The following SYT1 variants were observed in gnomAD, a reference collection of about 807,000 sequenced individuals.
SYT1 encodes synaptotagmin-1.
SYT1 carries 8 observed loss-of-function variants against 44.8 expected under a neutral mutation model. The ratio of observed to expected loss-of-function variants is 0.18; its 90% CI spans 0.10 to 0.32. SYT1 has a LOEUF of 0.32. Ranked by LOEUF, SYT1 falls within the 10% of genes least tolerant of loss-of-function variation. SYT1 has a pLI of 1.00. For missense variants in SYT1, 286 were observed against 509.3 expected, an observed-to-expected ratio of 0.56 and a Z score of 4.22; for synonymous variants, 154 against 188.8, an observed-to-expected ratio of 0.82 and a Z score of 1.51.
At chr12:78,866,886 C>T (rs142752199) in intron 1 of SYT1, among the ~76,000 whole-genome samples, 396 of 152,100 alleles carry the variant, frequency 2.6e-3, no homozygotes, top group African/African-American at 8.9e-3. Flanking sequence ...TCACTACGTA[C>T]GTTTAATATA....
chr12:79,389,047 A>T (rs978807822), intron 9 of SYT1, among the ~76,000 whole-genome samples: 32 of 152,228 alleles, frequency 2.1e-4, no homozygotes, highest in Admixed American at 5.2e-4. Flanking sequence ...CTTAATAAGT[A>T]GATATATTCC....
chr12:78,931,612 A>G (rs146003157), intron 1 of SYT1, among the ~76,000 whole-genome samples: 1 of 152,100 alleles, frequency 6.6e-6, no homozygotes, highest in South Asian at 2.1e-4. Flanking sequence ...CATGATGTAG[A>G]TTTATTTATT....
chr12:79,237,303 G>A (rs1342769113), intron 4 of SYT1, among the ~76,000 whole-genome samples: 1 of 152,180 alleles, frequency 6.6e-6, no homozygotes. Context: ...TAGAAATTGA[G>A]ATTTCTTTGA....
At chr12:79,178,877 T>G (rs901909418) in intron 3 of SYT1, among the ~76,000 whole-genome samples, 4 of 147,872 alleles carry the variant, frequency 2.7e-5, no homozygotes, top group African/African-American at 5.0e-5. Flanking sequence ...GCCTCCTGAG[T>G]AGCTGGGATT....
Position 78,876,461 on chromosome 12 carries a change from GTGTT to G in SYT1, c.-217+11354_-217+11357del, listed in dbSNP as rs1393363622. On this transcript the variant is annotated intron_variant, in intron 1 of 10. Coordinates refer to ENST00000261205, the MANE Select transcript of SYT1 (RefSeq NM_005639.3). ...ATAATAACATGTTTTGAAAATGGAG[GTGTT>G]TTTTTTTTTTTTTTTTTTGCCAAAC... Among the ~76,000 whole-genome samples the G allele has an allele frequency of 9.8e-3, 297 of 30,216 alleles. 6 individuals are homozygous for G. The highest frequency in any genetic ancestry group is 0.021 in the Non-Finnish European group (174 of 8,450). 19.8% of individuals were successfully genotyped at this position (30,216 alleles called of 152,430 possible).
intron 8 of SYT1, among the ~76,000 whole-genome samples, chr12:79,321,540 AG>A (rs1390644818): frequency 2.0e-5 from 3 of 152,206 alleles, no homozygotes. Flanking sequence ...AGTATGTTAA[AG>A]GGAAGGAAAT....
chr12:79,051,249 T>C (rs1296806216), intron 3 of SYT1, among the ~76,000 whole-genome samples: 1 of 151,416 alleles, frequency 6.6e-6, no homozygotes, highest in Non-Finnish European at 1.5e-5. Context: ...AATTGTATTT[T>C]GATATAGTTT....
intron 9 of SYT1, among the ~76,000 whole-genome samples, chr12:79,404,676 C>T (rs1471041502): frequency 6.6e-6 from 1 of 152,190 alleles, no homozygotes; most frequent in Non-Finnish European, 1.5e-5. Context: ...GCGTAGGTTT[C>T]AGCACATAAG....
intron 3 of SYT1, among the ~76,000 whole-genome samples, chr12:79,107,275 T>G (rs1383774585): frequency 6.6e-6 from 1 of 151,982 alleles, no homozygotes; most frequent in Non-Finnish European, 1.5e-5. Context: ...ATTTTGAAAT[T>G]CAAGTAATAA....
At chr12:79,424,882 C>T (rs1869343645) in intron 9 of SYT1, among the ~76,000 whole-genome samples, 1 of 148,016 alleles carries the variant, frequency 6.8e-6, no homozygotes, top group Non-Finnish European at 1.5e-5. Flanking sequence ...CATTGCCCTG[C>T]TCCTTATAGG....
intron 2 of SYT1, among the ~76,000 whole-genome samples, chr12:79,033,992 G>C (rs1437047585): frequency 6.6e-6 from 1 of 151,418 alleles, no homozygotes; most frequent in Non-Finnish European, 1.5e-5. Flanking sequence ...AGAAATAGAT[G>C]TTCTGGAGTT....
intron 3 of SYT1, among the ~76,000 whole-genome samples, chr12:79,139,527 A>G (rs1869423022): frequency 6.6e-6 from 1 of 152,134 alleles, no homozygotes; most frequent in Admixed American, 6.5e-5. Context: ...TTATCTTCCT[A>G]TTGGCCTTGA....
At chr12:79,027,897 T>C (rs1872626795) in intron 2 of SYT1, among the ~76,000 whole-genome samples, 1 of 151,564 alleles carries the variant, frequency 6.6e-6, no homozygotes, top group Admixed American at 6.6e-5. Flanking sequence ...ATTTTCATGG[T>C]CTGATAGCCT....
At chr12:78,908,221 AT>A (rs1876108854) in intron 1 of SYT1, among the ~76,000 whole-genome samples, 1 of 151,896 alleles carries the variant, frequency 6.6e-6, no homozygotes, top group African/African-American at 2.4e-5. Flanking sequence ...CAGTTTCCTC[AT>A]ATCCACAATC....
chr12:79,168,613 C>T (rs1238936759), intron 3 of SYT1, among the ~76,000 whole-genome samples: 1 of 151,968 alleles, frequency 6.6e-6, no homozygotes, highest in Non-Finnish European at 1.5e-5. Flanking sequence ...GAGAAAATAA[C>T]ACAATTTTCT....
chr12:78,975,156 G>A lies in SYT1; in HGVS notation c.-216-2643G>A, dbSNP rs73351405. Among the ~76,000 whole-genome samples, 873 of 116,248 alleles carry A rather than the reference G, an allele frequency of 7.5e-3. 9 individuals carry two copies. Among genetic ancestry groups the A allele is most frequent in the African/African-American group, 0.027 (832 of 30,286 alleles). 76.3% of individuals were successfully genotyped at this position (116,248 alleles called of 152,430 possible). ...TAACTCCTGGTCACTTTTTAATACC[G>A]AAGTGTGATTTCTGCATGGAAGCCA... On this transcript the variant is annotated intron_variant, in intron 1 of 10. Coordinates refer to ENST00000261205, the MANE Select transcript of SYT1 (RefSeq NM_005639.3).
At chr12:79,023,857 T>C (rs748653500) in intron 2 of SYT1, among the ~76,000 whole-genome samples, 32 of 151,748 alleles carry the variant, frequency 2.1e-4, no homozygotes, top group Non-Finnish European at 4.3e-4. Flanking sequence ...TATTCACCTA[T>C]AGGTTAGAGA....
intron 7 of SYT1, among the ~76,000 whole-genome samples, chr12:79,296,983 T>A (rs1234032249): frequency 6.6e-6 from 1 of 152,186 alleles, no homozygotes; most frequent in Admixed American, 6.5e-5. Context: ...TAGAACAATA[T>A]GTTTCTGAAA....
intron 9 of SYT1, among the ~76,000 whole-genome samples, chr12:79,382,779 G>A (rs1000105518): frequency 6.6e-5 from 10 of 152,130 alleles, no homozygotes; most frequent in African/African-American, 1.7e-4. Context: ...TGCTCCAAAC[G>A]CTGAGTAGAG....
Sources: gnomAD v4.1 joint callset for allele counts (sites outside exome capture counted in the v4.1 genomes callset) on GRCh38, gnomAD v4.1.1 for gene constraint, MANE v1.5 for transcripts, NCBI Gene and HGNC (gene_info 2026-07-23, HGNC 2026-07-21) for gene names.